Variants in CALCOCO2 observed in about 807,000 individuals in gnomAD.
The protein encoded by CALCOCO2 is calcium-binding and coiled-coil domain-containing protein 2.
A neutral mutation model predicts 62.5 loss-of-function variants in CALCOCO2; 42 were observed. The ratio of observed to expected loss-of-function variants is 0.67; its 90% CI spans 0.53 to 0.87. The LOEUF is 0.87. Among genes scored for constraint, CALCOCO2 ranks in the 40% least tolerant of loss-of-function variants. CALCOCO2 has a pLI of 0.00. For missense variants in CALCOCO2, 456 were observed against 515.0 expected (o/e 0.89, Z 1.11); for synonymous variants, 167 against 173.0 (o/e 0.97, Z 0.27).
chr17:48,835,232 C>A (rs2039874853), intron 1 of CALCOCO2, among the ~76,000 whole-genome samples: 1 of 152,162 alleles, frequency 6.6e-6, no homozygotes, highest in Non-Finnish European at 1.5e-5. Flanking sequence ...AGATGCCCTC[C>A]CTCCAGGAAA....
At chr17:48,832,229 A>G (rs145237020) in intron 1 of CALCOCO2, among the ~76,000 whole-genome samples, 1 of 152,332 alleles carries the variant, frequency 6.6e-6, no homozygotes, top group African/African-American at 2.4e-5. Context: ...CGCTGTCTTT[A>G]CTAAAAATAC....
rs1327317413 is a variant in CALCOCO2, at chr17:48,848,385, T to C, written c.347T>C (p.Val116Ala). 3 of 1,613,320 alleles carry C rather than the reference T, an allele frequency of 1.9e-6. No homozygotes were observed. In the East Asian group the frequency reaches 6.7e-5, roughly 36 times the overall value. Residue 116 changes from valine (V) to alanine (A), a missense_variant, in exon 4 of 13, where the codon GTC (valine) becomes GCC (alanine). By Grantham distance (64) the Val-to-Ala change is moderately conservative. Coordinates refer to ENST00000258947, the MANE Select transcript of CALCOCO2 (RefSeq NM_005831.5). ...QFCYVDEDGV[V>A]RGASIPFQFR... ...TGCTATGTGGATGAGGATGGTGTGG[T>C]CCGGGGAGCAAGTATTCCTTTCCAA... is the stretch of plus-strand genomic sequence containing the variant.
At chr17:48,861,480 T>A (rs2040325325) in intron 11 of CALCOCO2, among the ~76,000 whole-genome samples, 3 of 151,952 alleles carry the variant, frequency 2.0e-5, no homozygotes. Context: ...CCTCCCAAAG[T>A]GCTGGGATAT....
intron 7 of CALCOCO2, 193 bp downstream of exon 7, chr17:48,851,821 C>A: frequency 4.1e-6 from 2 of 486,480 alleles, no homozygotes; most frequent in Non-Finnish European, 7.4e-6. Context: ...CATGCCCCTG[C>A]TTTTAAAAAA....
At chr17:48,858,930 A>G (rs531188840) in intron 10 of CALCOCO2, among the ~76,000 whole-genome samples, 1 of 151,016 alleles carries the variant, frequency 6.6e-6, no homozygotes, top group South Asian at 2.1e-4. Context: ...CTGTAATCCC[A>G]GCTACTCAGG....
chr17:48,846,159 C>T (rs1567753007), intron 2 of CALCOCO2: 10 of 834,376 alleles, frequency 1.2e-5, no homozygotes, highest in Non-Finnish European at 1.8e-5. Context: ...TATTTTGAGA[C>T]AGAGTCTTGC....
intron 10 of CALCOCO2, among the ~76,000 whole-genome samples, chr17:48,857,924 C>T (rs1306711878): frequency 6.8e-6 from 1 of 147,570 alleles, no homozygotes. Flanking sequence ...TTGCAGTGAG[C>T]CAAGATCGTG....
chr17:48,854,273 G>A (rs1426701240), intron 9 of CALCOCO2, among the ~76,000 whole-genome samples: 2 of 115,656 alleles, frequency 1.7e-5, no homozygotes, highest in African/African-American at 6.8e-5. Flanking sequence ...CTGAGATCGC[G>A]CCATTGCACT....
intron 10 of CALCOCO2, among the ~76,000 whole-genome samples, chr17:48,859,865 C>T (rs770805006): frequency 5.3e-5 from 8 of 152,230 alleles, no homozygotes; most frequent in Non-Finnish European, 8.8e-5. Flanking sequence ...GAGGCCAAGG[C>T]GGGCGGATCA....
At chr17:48,838,266 A>G (rs2039924111) in intron 1 of CALCOCO2, among the ~76,000 whole-genome samples, 1 of 152,124 alleles carries the variant, frequency 6.6e-6, no homozygotes, top group Non-Finnish European at 1.5e-5. Flanking sequence ...TTTTCTATAC[A>G]ATGTCTGTAA....
chr17:48,857,102 C>T (rs1598043531), intron 10 of CALCOCO2, among the ~76,000 whole-genome samples: 2 of 151,570 alleles, frequency 1.3e-5, no homozygotes, highest in East Asian at 3.9e-4. Context: ...ACGCCCGGCC[C>T]ATTCTCATGT....
chr17:48,859,001 G>A (rs944920426), intron 10 of CALCOCO2, among the ~76,000 whole-genome samples: 26 of 117,660 alleles, frequency 2.2e-4, no homozygotes, highest in African/African-American at 5.9e-4. Context: ...AGCTGAGATC[G>A]CACCACTACA....
At chr17:48,854,567 G>A (rs976876746) in intron 9 of CALCOCO2, among the ~76,000 whole-genome samples, 1 of 148,694 alleles carries the variant, frequency 6.7e-6, no homozygotes, top group Non-Finnish European at 1.5e-5. Flanking sequence ...CACGATGCCC[G>A]GCTAATTTTT....
chr17:48,851,946 A>G (rs543715877), intron 7 of CALCOCO2, among the ~76,000 whole-genome samples: 3 of 152,236 alleles, frequency 2.0e-5, no homozygotes, highest in African/African-American at 4.8e-5. Flanking sequence ...AGCCTGGCCA[A>G]TATGGCAAAA....
At position 48,856,170 on chromosome 17, in the gene CALCOCO2, T is replaced by C. The variant is rs775582461; in HGVS notation, c.991T>C (p.Leu331=). 2.0e-5 allele frequency: 32 copies of C among 1,592,314 alleles called. No homozygotes were observed. Among genetic ancestry groups the C allele is most frequent in the Non-Finnish European group, 2.7e-5 (31 of 1,161,786 alleles). ...TGCTCTGCAGAGACAGAAAGAGAGATTGGAAGGAGAAAATGATGTAAGTGT... is the reference window on the plus strand; with the variant it reads ...TGCTCTGCAGAGACAGAAAGAGAGACTGGAAGGAGAAAATGATGTAAGTGT... The part of the protein sequence containing the change: ...CNALQRQKER[L]EGENDLLKRE... The change falls in exon 10 of 13, where the codon TTG becomes CTG. Residue 331 remains leucine, a synonymous_variant. Transcript: ENST00000258947.
chr17:48,849,198 G>C, intron 4 of CALCOCO2, 54 bp from the exon 5 acceptor site: 1 of 1,585,536 alleles, frequency 6.3e-7, no homozygotes. Context: ...CTAACCTATG[G>C]GAATTTTCTG....
intron 10 of CALCOCO2, chr17:48,856,755 G>T: frequency 5.7e-6 from 2 of 351,246 alleles, no homozygotes; most frequent in South Asian, 2.1e-5. Flanking sequence ...TGAAGTCAAG[G>T]TCATTCTCAT....
In CALCOCO2 at chr17:48,862,892, T is replaced by G. The variant is rs1441486604; in HGVS notation, c.1228T>G (p.Leu410Val). The G allele has an allele frequency of 6.2e-7, 1 of 1,613,980 alleles. No individual in the cohort carries two copies. Among genetic ancestry groups the G allele is most frequent in the African/African-American group, 1.3e-5 (1 of 74,936 alleles). Residue 410 changes from leucine to valine, a missense_variant, in exon 13 of 13, where the codon TTG becomes GTG. By Grantham distance (32) the Leu-to-Val change is conservative. Transcript: ENST00000258947. ...CKADDICDHT[L>V]EQQQMQPLCF... ...AGCAGATGATATTTGTGATCACACCTTGGAGCAACAGCAGATGCAGCCCCT... is the reference window on the plus strand; with the variant it reads ...AGCAGATGATATTTGTGATCACACCGTGGAGCAACAGCAGATGCAGCCCCT...
intron 2 of CALCOCO2, chr17:48,846,123 TTTTA>T: frequency 9.6e-7 from 1 of 1,042,176 alleles, no homozygotes; most frequent in Non-Finnish European, 1.4e-6. Context: ...TCTTTTTATT[TTTTA>T]TTTATTTTTT....
Sources: allele counts gnomAD v4.1 joint callset (sites outside exome capture counted in the v4.1 genomes callset), GRCh38; gene constraint gnomAD v4.1.1; transcripts MANE v1.5; gene names NCBI Gene and HGNC (gene_info 2026-07-23, HGNC 2026-07-21).